Variants in PTPRT observed in about 807,000 individuals in gnomAD.
The protein encoded by PTPRT is protein tyrosine phosphatase receptor type T, also known as receptor-type tyrosine-protein phosphatase T.
Under a neutral mutation model 176.8 loss-of-function variants are expected in PTPRT, and 56 were observed. That is an observed-to-expected ratio of 0.32 (90% CI 0.26 to 0.40). PTPRT has a LOEUF of 0.40. Among genes scored for constraint, PTPRT ranks in the 10% least tolerant of loss-of-function variants. The pLI, the probability that PTPRT is intolerant of heterozygous loss-of-function variation, is 1.00. For synonymous variants in PTPRT, 783 were observed against 739.0 expected (o/e 1.06, Z -0.96); for missense variants, 1,540 against 1,908.2 (o/e 0.81, Z 3.60).
At chr20:43,078,202 A>T (rs2011331095) in intron 1 of PTPRT, among the ~76,000 whole-genome samples, 1 of 152,172 alleles carries the variant, frequency 6.6e-6, no homozygotes. Flanking sequence ...AACAAGCAAT[A>T]ATTTTAGCCT....
chr20:42,912,577 CTACA>C (rs752080601), intron 1 of PTPRT, among the ~76,000 whole-genome samples: 2 of 152,052 alleles, frequency 1.3e-5, no homozygotes, highest in African/African-American at 4.8e-5. Context: ...GTAGAAATGC[CTACA>C]TAGAGTATCA....
At chr20:42,165,633 A>G in intron 16 of PTPRT, among the ~76,000 whole-genome samples, 1 of 152,240 alleles carries the variant, frequency 6.6e-6, no homozygotes, top group Admixed American at 6.5e-5. Flanking sequence ...GTGGCCACTA[A>G]TCACATGTGG....
At chr20:42,871,727 TTC>T (rs2078850031) in intron 2 of PTPRT, among the ~76,000 whole-genome samples, 1 of 152,210 alleles carries the variant, frequency 6.6e-6, no homozygotes, top group Non-Finnish European at 1.5e-5. Context: ...GAAGAAATTA[TTC>T]TCTCTCCATT....
chr20:43,124,759 T>C (rs1236711110), intron 1 of PTPRT, among the ~76,000 whole-genome samples: 1 of 152,108 alleles, frequency 6.6e-6, no homozygotes. Context: ...AGGATGAGAA[T>C]AGGGTGCAAT....
At chr20:43,039,334 C>T (rs1310608338) in intron 1 of PTPRT, among the ~76,000 whole-genome samples, 2 of 143,584 alleles carry the variant, frequency 1.4e-5, no homozygotes, top group Non-Finnish European at 3.0e-5. Flanking sequence ...GGACAACTAG[C>T]TATCTTCTTG....
At chr20:42,311,575 C>T (rs1223133500) in intron 12 of PTPRT, among the ~76,000 whole-genome samples, 1 of 152,152 alleles carries the variant, frequency 6.6e-6, no homozygotes, top group East Asian at 1.9e-4. Context: ...TAATATAACT[C>T]TATCTCATCC....
At chr20:42,072,647 G>T, downstream of PTPRT, 1 of 180,360 alleles carries the variant, frequency 5.5e-6, no homozygotes, top group Non-Finnish European at 1.2e-5. Flanking sequence ...TGTGATGTAA[G>T]GATTAACTTA....
chr20:42,954,049 T>A (rs1443563970), intron 1 of PTPRT, among the ~76,000 whole-genome samples: 1 of 152,046 alleles, frequency 6.6e-6, no homozygotes, highest in African/African-American at 2.4e-5. Flanking sequence ...GAGGAGGGAC[T>A]CTAAGACCTC....
At chr20:42,536,155 GCT>G (rs2072473159) in intron 7 of PTPRT, among the ~76,000 whole-genome samples, 1 of 152,074 alleles carries the variant, frequency 6.6e-6, no homozygotes, top group Non-Finnish European at 1.5e-5. Flanking sequence ...CCCCGGCAGA[GCT>G]CTGTTTTAAC....
intron 7 of PTPRT, among the ~76,000 whole-genome samples, chr20:42,647,684 G>T (rs1201868082): frequency 6.6e-6 from 1 of 152,110 alleles, no homozygotes; most frequent in African/African-American, 2.4e-5. Flanking sequence ...CTTGTGAAAG[G>T]AGTCATGGGA....
At chr20:42,993,247 T>C (rs984111001) in intron 1 of PTPRT, among the ~76,000 whole-genome samples, 4 of 151,080 alleles carry the variant, frequency 2.6e-5, no homozygotes, top group African/African-American at 9.8e-5. Flanking sequence ...TGAAACCCTG[T>C]CTCTACTAAA....
Position 42,350,853 on chromosome 20 carries a change from T to G in PTPRT, c.1763-123A>C. Reference sequence around the variant, plus strand: ...GAGGGAGGACGTTTAGGAAAGGGGTTGGATAAGAAGCCTTCCAGGCCTTCA... The same window carrying G: ...GAGGGAGGACGTTTAGGAAAGGGGTGGGATAAGAAGCCTTCCAGGCCTTCA... On this transcript the variant is annotated intron_variant, in intron 10 of 30. Transcript: ENST00000373187. 8.2e-6 allele frequency: 6 copies of G among 733,374 alleles called. No individual in the cohort carries two copies. In the South Asian group the frequency reaches 1.1e-4, roughly 13 times the overall value. The allele number at this position is 733,374 out of a possible 1,614,324, so 45.4% of individuals were successfully genotyped here.
At chr20:42,665,129 C>T (rs1222242586) in intron 7 of PTPRT, among the ~76,000 whole-genome samples, 1 of 151,748 alleles carries the variant, frequency 6.6e-6, no homozygotes, top group African/African-American at 2.4e-5. Context: ...AGCTTCTGCA[C>T]AGCAAAAGAA....
chr20:42,292,278 T>C (rs772629980), intron 12 of PTPRT, among the ~76,000 whole-genome samples: 3 of 152,124 alleles, frequency 2.0e-5, no homozygotes, highest in Non-Finnish European at 4.4e-5. Context: ...ACTTAACATG[T>C]TTGTTACCTG....
chr20:42,608,114 C>A (rs980030478), intron 7 of PTPRT, among the ~76,000 whole-genome samples: 1 of 152,140 alleles, frequency 6.6e-6, no homozygotes, highest in African/African-American at 2.4e-5. Context: ...AGAGGGTAGA[C>A]TTGCATCCAG....
chr20:42,911,002 C>T (rs965478856), intron 1 of PTPRT, among the ~76,000 whole-genome samples: 5 of 152,228 alleles, frequency 3.3e-5, no homozygotes, highest in Admixed American at 6.5e-5. Context: ...CATCAGATCT[C>T]GTGAGAACTT....
At chr20:42,098,091 G>C (rs1269281824) in intron 27 of PTPRT, among the ~76,000 whole-genome samples, 1 of 152,204 alleles carries the variant, frequency 6.6e-6, no homozygotes, top group African/African-American at 2.4e-5. Flanking sequence ...GCTCAGTGCT[G>C]GGGGAGGAAG....
intron 3 of PTPRT, among the ~76,000 whole-genome samples, chr20:42,784,739 A>C (rs142494824): frequency 8.9e-6 from 1 of 112,650 alleles, no homozygotes; most frequent in Non-Finnish European, 2.3e-5. Flanking sequence ...GATAATAACT[A>C]CCAAATAAAA....
chr20:42,170,936 T>C (rs1236335398), intron 16 of PTPRT, among the ~76,000 whole-genome samples: 3 of 152,196 alleles, frequency 2.0e-5, no homozygotes, highest in African/African-American at 7.2e-5. Context: ...TTAAATATTA[T>C]TGATGTAGAA....
Sources: gnomAD v4.1 joint callset for allele counts (sites outside exome capture counted in the v4.1 genomes callset) on GRCh38, gnomAD v4.1.1 for gene constraint, MANE v1.5 for transcripts, NCBI Gene and HGNC (gene_info 2026-07-23, HGNC 2026-07-21) for gene names.